Variants in ANXA4 observed in about 807,000 individuals in gnomAD.
ANXA4 encodes 35-beta calcimedin.
A neutral mutation model predicts 49.8 loss-of-function variants in ANXA4; 39 were observed. The observed-to-expected ratio is 0.78, with a 90% CI of 0.61 to 1.02. The LOEUF (loss-of-function observed/expected upper bound fraction) is 1.02. Ranked by LOEUF, ANXA4 falls within the 50% of genes least tolerant of loss-of-function variation. The pLI is 0.00. For missense variants in ANXA4, 360 were observed against 410.1 expected (o/e 0.88, Z 1.05); for synonymous variants, 134 against 152.5 (o/e 0.88, Z 0.89).
chr2:69,666,765 G>C (rs1284863060), intron 2 of ANXA4, among the ~76,000 whole-genome samples: 4 of 152,194 alleles, frequency 2.6e-5, no homozygotes, highest in Non-Finnish European at 5.9e-5. Context: ...AAAATATCAG[G>C]CTGGGTGTGG....
At chr2:69,816,934 A>C (rs1674019403) in intron 9 of ANXA4, 1 of 152,218 alleles carries the variant, frequency 6.6e-6, no homozygotes, top group African/African-American at 2.4e-5. Context: ...GAGTTTGCTA[A>C]ATTGAAAACA....
chr2:69,742,504 G>C (rs771350358), intron 1 of ANXA4, among the ~76,000 whole-genome samples: 5 of 152,244 alleles, frequency 3.3e-5, no homozygotes, highest in Admixed American at 6.5e-5. Context: ...GCATCAAAAA[G>C]AAAGGACCGA....
intron 2 of ANXA4, among the ~76,000 whole-genome samples, chr2:69,669,303 A>C (rs189937160): frequency 4.6e-5 from 7 of 151,804 alleles, no homozygotes; most frequent in Admixed American, 3.3e-4. Context: ...TAACCAAACA[A>C]ATTTTTGTTT....
In ANXA4 at chr2:69,787,120, A is replaced by G. The variant is rs72906903; in HGVS notation, c.10-934A>G. ...CTCATTTCATCTGTAAACTATTTCA[A>G]TAGATTAAACCTCTTTTAAAAATGA... On this transcript the variant is annotated intron_variant, in intron 2 of 12. Transcript: ENST00000394295. Among the ~76,000 whole-genome samples, 830 of 152,342 alleles carry G rather than the reference A, an allele frequency of 5.4e-3. 10 individuals are homozygous for G. Among genetic ancestry groups the G allele is most frequent in the African/African-American group, 0.019 (799 of 41,584 alleles).
intron 2 of ANXA4, among the ~76,000 whole-genome samples, chr2:69,673,164 C>T (rs868526742): frequency 1.3e-5 from 2 of 152,010 alleles, no homozygotes; most frequent in African/African-American, 2.4e-5. Flanking sequence ...CCCATATACC[C>T]GAAGGATTAT....
chr2:69,756,900 TC>T (rs1226389290), intron 1 of ANXA4, among the ~76,000 whole-genome samples: 12 of 150,494 alleles, frequency 8.0e-5, no homozygotes, highest in Non-Finnish European at 1.6e-4. Flanking sequence ...GATTCAGTGT[TC>T]CTACTACTTA....
intron 1 of ANXA4, among the ~76,000 whole-genome samples, chr2:69,774,090 T>A (rs1413391340): frequency 6.6e-6 from 1 of 151,936 alleles, no homozygotes; most frequent in African/African-American, 2.4e-5. Context: ...CCCACAATGC[T>A]GGGATTACAG....
chr2:69,753,765 C>T (rs1240613723), intron 1 of ANXA4, among the ~76,000 whole-genome samples: 1 of 152,258 alleles, frequency 6.6e-6, no homozygotes, highest in Non-Finnish European at 1.5e-5. Flanking sequence ...CTAGCCCCAC[C>T]TTCCTGGTTT....
intron 2 of ANXA4, among the ~76,000 whole-genome samples, chr2:69,689,522 A>G (rs1261772066): frequency 1.3e-5 from 2 of 152,214 alleles, no homozygotes; most frequent in Non-Finnish European, 2.9e-5. Flanking sequence ...TATTTCACAA[A>G]AAAAATGCAA....
At chr2:69,701,527 T>A (rs747727435) in intron 2 of ANXA4, among the ~76,000 whole-genome samples, 4 of 152,266 alleles carry the variant, frequency 2.6e-5, no homozygotes, top group Admixed American at 6.5e-5. Context: ...TGTTACAGCA[T>A]GTATCAGAAA....
intron 1 of ANXA4, among the ~76,000 whole-genome samples, chr2:69,747,471 C>T (rs1670657775): frequency 6.6e-6 from 1 of 152,194 alleles, no homozygotes; most frequent in Non-Finnish European, 1.5e-5. Flanking sequence ...TGATGCTGTG[C>T]AAGCACCTGT....
At position 69,826,222 on chromosome 2, in the gene ANXA4, T is replaced by C. The variant is rs887962141; in HGVS notation, c.*707T>C. On this transcript the variant is annotated 3_prime_UTR_variant, in exon 13 of 13. Coordinates refer to ENST00000394295, the MANE Select transcript of ANXA4 (RefSeq NM_001153.5). The stretch of plus-strand genomic sequence containing the variant: ...AAATGCTGAACATTCCATATTATTA[T>C]AGTTAATGTCTTAATCCAGCTTGCA... 7.9e-5 allele frequency: 12 copies of C among 152,598 alleles called. No homozygotes were observed. Among genetic ancestry groups the C allele is most frequent in the African/African-American group, 2.9e-4 (12 of 41,444 alleles). 9.5% of individuals were successfully genotyped at this position (152,598 alleles called of 1,614,324 possible). A position where few individuals can be genotyped will look rare whatever the true frequency, so the allele number is the denominator to read the frequency against.
chr2:69,666,749 T>A (rs1676952608), intron 2 of ANXA4, among the ~76,000 whole-genome samples: 1 of 152,146 alleles, frequency 6.6e-6, no homozygotes, highest in Non-Finnish European at 1.5e-5. Flanking sequence ...GGACCACATA[T>A]AATATAAAAT....
chr2:69,820,238 T>G (rs866051812), intron 11 of ANXA4, among the ~76,000 whole-genome samples: 1,323 of 93,674 alleles, frequency 0.014, 27 homozygotes, highest in African/African-American at 0.059. Context: ...AGGAAAGGGT[T>G]TTTTTTTTTT....
chr2:69,731,095 C>A (rs1670084162), intron 3 of ANXA4, among the ~76,000 whole-genome samples: 2 of 152,184 alleles, frequency 1.3e-5, no homozygotes, highest in Non-Finnish European at 2.9e-5. Flanking sequence ...CACCAGTAGG[C>A]CTCCCTGTGT....
chr2:69,698,214 AG>A (rs1332231483), intron 2 of ANXA4, among the ~76,000 whole-genome samples: 1 of 152,174 alleles, frequency 6.6e-6, no homozygotes, highest in Non-Finnish European at 1.5e-5. Flanking sequence ...CTCATTCATG[AG>A]GGTTCTGCTC....
chr2:69,744,400 A>G (rs1670530353), intron 1 of ANXA4, among the ~76,000 whole-genome samples: 1 of 152,242 alleles, frequency 6.6e-6, no homozygotes, highest in South Asian at 2.1e-4. Context: ...AACACTTTTT[A>G]TACTAAAACA....
At chr2:69,661,341 T>C (rs983697804) in intron 2 of ANXA4, among the ~76,000 whole-genome samples, 3 of 151,704 alleles carry the variant, frequency 2.0e-5, no homozygotes, top group African/African-American at 7.3e-5. Flanking sequence ...TGCAAGAAAC[T>C]ATTATTAAAT....
At chr2:69,785,044 G>C (rs1672357087) in intron 2 of ANXA4, among the ~76,000 whole-genome samples, 1 of 152,154 alleles carries the variant, frequency 6.6e-6, no homozygotes, top group African/African-American at 2.4e-5. Context: ...CTTTTTTGAG[G>C]GGGGAGATAC....
Sources: gnomAD v4.1 joint callset for allele counts (sites outside exome capture counted in the v4.1 genomes callset) on GRCh38, gnomAD v4.1.1 for gene constraint, MANE v1.5 for transcripts, NCBI Gene and HGNC (gene_info 2026-07-23, HGNC 2026-07-21) for gene names.